The following ADGRA2 variants were observed in gnomAD, a reference collection of about 807,000 sequenced individuals.
ADGRA2 encodes the protein G-protein coupled receptor 124.
A neutral mutation model predicts 98.7 loss-of-function variants in ADGRA2; 61 were observed. The observed-to-expected ratio is 0.62, with a 90% CI of 0.50 to 0.76. The LOEUF (loss-of-function observed/expected upper bound fraction) is 0.76, where lower values mean the gene tolerates loss of function less well. ADGRA2 is among the 30% of genes least tolerant of loss of function. ADGRA2 has a pLI of 0.00. For missense variants in ADGRA2, 1,712 were observed against 1,860.0 expected (o/e 0.92, Z 1.46); for synonymous variants, 858 against 831.5 (o/e 1.03, Z -0.55).
intron 13 of ADGRA2, among the ~76,000 whole-genome samples, chr8:37,836,463 G>A (rs1489011122): frequency 2.0e-5 from 3 of 152,258 alleles, no homozygotes; most frequent in East Asian, 3.9e-4. Context: ...GGGAGACACC[G>A]AGTGTCTGAC....
Position 37,797,161 on chromosome 8 carries a change from C to T in ADGRA2, c.-108C>T, listed in dbSNP as rs965959516. The T allele has an allele frequency of 1.1e-4, 102 of 903,710 alleles. No individual in the cohort carries two copies. Among genetic ancestry groups the T allele is most frequent in the Middle Eastern group, 4.2e-4 (1 of 2,360 alleles). 56.0% of individuals were successfully genotyped at this position (903,710 alleles called of 1,614,324 possible). On this transcript the variant is annotated 5_prime_UTR_variant, in exon 1 of 19. Coordinates refer to ENST00000412232, the MANE Select transcript of ADGRA2 (RefSeq NM_032777.10). The surrounding 1 kb of genome is among the most constrained non-coding windows in gnomAD (Gnocchi z 5.3). ...TCCGCCCAGGGCCCCCCTCCACGCC[C>T]TCGGGAGCCCCGGGCCCCCGCTGAG...
chr8:37,813,595 T>TG (rs1804900979), intron 1 of ADGRA2, among the ~76,000 whole-genome samples: 1 of 152,012 alleles, frequency 6.6e-6, no homozygotes. Context: ...ATGTCACCAC[T>TG]GGGGGGACCA....
Position 37,840,852 on chromosome 8 carries a change from G to A in ADGRA2, c.2747+3G>A. 1 of 1,548,434 alleles carries A rather than the reference G, an allele frequency of 6.5e-7. No homozygotes were observed. Among genetic ancestry groups the A allele is most frequent in the South Asian group, 1.1e-5 (1 of 89,362 alleles). On this transcript the variant is annotated splice_donor_region_variant and intron_variant, in intron 18 of 18. Coordinates refer to ENST00000412232, the MANE Select transcript of ADGRA2 (RefSeq NM_032777.10). ...AACTACCGGGACCACAGCCCCTAGT[G>A]AGCACCCCTCCCTCCCGCCCCAAGC... is the stretch of plus-strand genomic sequence containing the variant.
Position 37,830,748 on chromosome 8 carries a change from TCCCTACG to T in ADGRA2, c.760_766del (p.Leu254LysfsTer58), listed in dbSNP as rs1414963898. The T allele has an allele frequency of 1.2e-6, 2 of 1,606,058 alleles. No individual in the cohort carries two copies. Among genetic ancestry groups the T allele is most frequent in the Non-Finnish European group, 1.7e-6 (2 of 1,176,728 alleles). ...GCTGCACACACACCACCTCATCCCGTCCCTACGCCAAGTGGTGTTCCAGGGGGATCGG... is the reference window on the plus strand; with the variant it reads ...GCTGCACACACACCACCTCATCCCGTCCAAGTGGTGTTCCAGGGGGATCGG... On this transcript the variant is annotated frameshift_variant, in exon 7 of 19. Transcript: ENST00000412232. LOFTEE classifies it high-confidence loss of function. The surrounding 1 kb of genome is among the most constrained non-coding windows in gnomAD (Gnocchi z 4.8).
At chr8:37,804,100 G>GAGACACACACAT (rs1310425865) in intron 1 of ADGRA2, among the ~76,000 whole-genome samples, 1 of 107,104 alleles carries the variant, frequency 9.3e-6, no homozygotes, top group African/African-American at 3.7e-5. Flanking sequence ...CCCACGGTGA[G>GAGACACACACAT]ACACACACAC....
chr8:37,837,550 G>C (rs1805654208), intron 13 of ADGRA2, among the ~76,000 whole-genome samples, 181 bp from the exon 14 acceptor site: 1 of 152,296 alleles, frequency 6.6e-6, no homozygotes, highest in Middle Eastern at 3.4e-3. Context: ...CCCCCTCCAG[G>C]GTCCCCCATT....
rs1804367029 is a variant in ADGRA2 at position 37,797,514 on chromosome 8, G to A, written c.246G>A (p.Leu82=). The change falls in exon 1 of 19, where the codon CTG becomes CTA. Residue 82 remains leucine, a synonymous_variant. Transcript: ENST00000412232. This position sits in a 1 kb window ranked among gnomAD's most constrained non-coding sequence, Gnocchi z 5.3. ...CGGAGCCTCCCGAGCCCGGCCTTCT[G>A]CCTAACGGCACCGTTACCCTGTGAG... ...DLPEPPEPGL[L]PNGTVTLLLS... 7.1e-7 allele frequency: 1 copy of A among 1,404,384 alleles called. No individual in the cohort carries two copies. The allele number at this position is 1,404,384 out of a possible 1,614,324, so 87.0% of individuals were successfully genotyped here.
chr8:37,798,060 C>G (rs1160390234), intron 1 of ADGRA2, among the ~76,000 whole-genome samples: 3 of 152,188 alleles, frequency 2.0e-5, no homozygotes, highest in Admixed American at 2.0e-4. Context: ...AGCGCCGCTT[C>G]CAGCCGGTCT....
Position 37,807,480 on chromosome 8 carries a change from G to C in ADGRA2, c.267-7416G>C, listed in dbSNP as rs191315822. Among the ~76,000 whole-genome samples the C allele has an allele frequency of 9.8e-3, 1,491 of 152,318 alleles. 10 individuals are homozygous for C. Among genetic ancestry groups the C allele is most frequent in the Non-Finnish European group, 0.015 (1,016 of 68,036 alleles). ...TGACATTGGGTAATTATGTCATTAA[G>C]CATTGGTTAATTTCCGTCTTTGCAG... On this transcript the variant is annotated intron_variant, in intron 1 of 18. Transcript: ENST00000412232.
chr8:37,815,909 T>C (rs993085840), intron 2 of ADGRA2, among the ~76,000 whole-genome samples: 5 of 152,222 alleles, frequency 3.3e-5, no homozygotes, highest in Non-Finnish European at 7.3e-5. Flanking sequence ...TGACTCTTGC[T>C]TTCTCTCTCA....
In ADGRA2 at chr8:37,835,564, C is replaced by A; in HGVS notation, c.1844C>A (p.Ala615Asp). The stretch of plus-strand genomic sequence containing the variant: ...CCTATGTCCCCCCAGAACAGCGTGG[C>A]CCTGGCCTCCATCCAGCTGCCCCCG... ...LSSFHIKNSV[A>D]LASIQLPPSL... The change falls in exon 13 of 19, where the codon GCC becomes GAC. Residue 615 changes from alanine (A) to aspartate (D), a missense_variant. Ala to Asp is a moderately radical substitution (Grantham distance 126). Transcript: ENST00000412232. The A allele has an allele frequency of 6.2e-7, 1 of 1,611,186 alleles. No individual in the cohort carries two copies. The highest frequency in any genetic ancestry group is 8.5e-7 in the Non-Finnish European group (1 of 1,177,386).
At chr8:37,816,590 TCAAA>T (rs1328458783) in intron 2 of ADGRA2, among the ~76,000 whole-genome samples, 2 of 121,050 alleles carry the variant, frequency 1.7e-5, no homozygotes, top group African/African-American at 3.5e-5. Context: ...AGACTCCGTC[TCAAA>T]CACACACACA....
rs779528063 is a variant in ADGRA2, at chr8:37,797,480, G to C, written c.212G>C (p.Gly71Ala). Residue 71 changes from glycine to alanine, a missense_variant, in exon 1 of 19, where the codon GGG (glycine) becomes GCG (alanine). Transcript: ENST00000412232. The surrounding 1 kb of genome is among the most constrained non-coding windows in gnomAD (Gnocchi z 5.3). ...CGGCGGAGGGTGGTGTGCAGCGGCG[G>C]GGACCTCCCGGAGCCTCCCGAGCCC... The part of the protein sequence containing the change: ...PARRRVVCSG[G>A]DLPEPPEPGL... The C allele has an allele frequency of 1.4e-6, 2 of 1,415,746 alleles. No homozygotes were observed. Among genetic ancestry groups the C allele is most frequent in the Admixed American group, 5.7e-5 (2 of 35,192 alleles). The allele number at this position is 1,415,746 out of a possible 1,614,324, so 87.7% of individuals were successfully genotyped here. A position where few individuals can be genotyped will look rare whatever the true frequency, so the allele number is the denominator to read the frequency against.
At position 37,829,417 on chromosome 8, in the gene ADGRA2, C is replaced by T. The variant is rs554266910; in HGVS notation, c.483-71C>T. ...AATGTGGCCCCCAACCCTTCCACAT[C>T]CCACCTGCTCTCCTCCGCCGGCCCA... On this transcript the variant is annotated intron_variant, in intron 4 of 18. Coordinates refer to ENST00000412232, the MANE Select transcript of ADGRA2 (RefSeq NM_032777.10). 7.9e-6 allele frequency: 12 copies of T among 1,525,882 alleles called. No individual in the cohort carries two copies. The Admixed American group carries it at 1.5e-4, about 19-fold the overall frequency. 94.5% of individuals were successfully genotyped at this position (1,525,882 alleles called of 1,614,324 possible). A position where few individuals can be genotyped will look rare whatever the true frequency, so the allele number is the denominator to read the frequency against.
intron 2 of ADGRA2, among the ~76,000 whole-genome samples, chr8:37,821,550 G>A (rs1805125588): frequency 6.6e-6 from 1 of 152,182 alleles, no homozygotes; most frequent in South Asian, 2.1e-4. Context: ...ACTTTTCTGG[G>A]GGGCTCTGAG....
chr8:37,815,607 CG>C lies in ADGRA2; in HGVS notation c.338+641del, dbSNP rs150584446. ...GGGCCAGTGTGGGGAAGAGGGTTAT[CG>C]AGGAGGAGCTGGTGGCTGTGAGTTG... On this transcript the variant is annotated intron_variant, in intron 2 of 18. Coordinates refer to ENST00000412232, the MANE Select transcript of ADGRA2 (RefSeq NM_032777.10). Among the ~76,000 whole-genome samples, 1,354 of 152,312 alleles carry C rather than the reference CG, an allele frequency of 8.9e-3. 18 individuals carry two copies. The highest frequency in any genetic ancestry group is 0.031 in the African/African-American group (1,269 of 41,586).
intron 1 of ADGRA2, among the ~76,000 whole-genome samples, chr8:37,813,514 T>C (rs1289348359): frequency 1.3e-5 from 2 of 152,184 alleles, no homozygotes; most frequent in Non-Finnish European, 2.9e-5. Context: ...CGTGTGTGTG[T>C]GTTTGTGTGT....
At chr8:37,825,531 G>C (rs1230223992) in intron 2 of ADGRA2, among the ~76,000 whole-genome samples, 1 of 151,896 alleles carries the variant, frequency 6.6e-6, no homozygotes, top group Non-Finnish European at 1.5e-5. Flanking sequence ...TTACAGGTGT[G>C]AGCCACCGCA....
At position 37,797,189 on chromosome 8, in the gene ADGRA2, C is replaced by T; in HGVS notation, c.-80C>T. 1 of 1,115,188 alleles carries T rather than the reference C, an allele frequency of 9.0e-7. No homozygotes were observed. Among genetic ancestry groups the T allele is most frequent in the Non-Finnish European group, 1.1e-6 (1 of 894,872 alleles). 69.1% of individuals were successfully genotyped at this position (1,115,188 alleles called of 1,614,324 possible). On this transcript the variant is annotated 5_prime_UTR_variant, in exon 1 of 19. Coordinates refer to ENST00000412232, the MANE Select transcript of ADGRA2 (RefSeq NM_032777.10). This position sits in a 1 kb window ranked among gnomAD's most constrained non-coding sequence, Gnocchi z 5.3. Reference sequence around the variant, plus strand: ...GGGAGCCCCGGGCCCCCGCTGAGCACTCCTCCCGCACGCCTGGGTCCCTCC... The same window carrying T: ...GGGAGCCCCGGGCCCCCGCTGAGCATTCCTCCCGCACGCCTGGGTCCCTCC...
Sources: gnomAD v4.1 joint callset for allele counts (sites outside exome capture counted in the v4.1 genomes callset) on GRCh38, gnomAD v4.1.1 for gene constraint, Gnocchi (gnomAD v3.1) non-coding constraint, MANE v1.5 for transcripts, NCBI Gene and HGNC (gene_info 2026-07-23, HGNC 2026-07-21) for gene names.